TSHR: variants seen among roughly 807,000 people sequenced by gnomAD.
TSHR encodes the protein thyrotropin receptor.
Under a neutral mutation model 64.1 loss-of-function variants are expected in TSHR, and 51 were observed. The ratio of observed to expected loss-of-function variants is 0.80; its 90% CI spans 0.64 to 1.01. The LOEUF (loss-of-function observed/expected upper bound fraction) is 1.01, where lower values mean the gene tolerates loss of function less well. Among genes scored for constraint, TSHR ranks in the 50% least tolerant of loss-of-function variants. The pLI, the probability that TSHR is intolerant of heterozygous loss-of-function variation, is 0.00. For missense variants in TSHR, 877 were observed against 942.8 expected (o/e 0.93, Z 0.91); for synonymous variants, 361 against 361.9 (o/e 1.00, Z 0.03).
intron 8 of TSHR, among the ~76,000 whole-genome samples, chr14:81,123,983 C>T (rs6574628): frequency 0.069 from 10,428 of 152,092 alleles, 923 homozygotes; most frequent in East Asian, 0.23. Context: ...AAATGCAATG[C>T]CTTTCATAAT....
intron 1 of TSHR, among the ~76,000 whole-genome samples, chr14:81,009,784 A>T (rs2139774649): frequency 6.6e-6 from 1 of 152,122 alleles, no homozygotes; most frequent in South Asian, 2.1e-4. Flanking sequence ...TTCCCCTATG[A>T]TGAGCTTTAA....
intron 8 of TSHR, among the ~76,000 whole-genome samples, chr14:81,125,116 T>C (rs557455719): frequency 2.8e-4 from 43 of 152,252 alleles, no homozygotes; most frequent in African/African-American, 1.0e-3. Flanking sequence ...GTAACATAAG[T>C]TTAATGTAAA....
intron 8 of TSHR, among the ~76,000 whole-genome samples, chr14:81,134,936 A>C (rs956062846): frequency 1.3e-5 from 2 of 152,206 alleles, no homozygotes; most frequent in African/African-American, 4.8e-5. Flanking sequence ...GATAAAGAGA[A>C]GGTCTGAGAA....
intron 1 of TSHR, among the ~76,000 whole-genome samples, chr14:81,036,491 C>T (rs1370208421): frequency 1.3e-5 from 2 of 152,124 alleles, no homozygotes; most frequent in Admixed American, 6.6e-5. Flanking sequence ...TAGAATACTA[C>T]ACCCAGAAAA....
intron 8 of TSHR, among the ~76,000 whole-genome samples, chr14:81,113,447 G>T (rs1380334868): frequency 3.9e-5 from 6 of 152,156 alleles, no homozygotes; most frequent in Admixed American, 1.3e-4. Flanking sequence ...TAGGGGTCAG[G>T]GCTAGAGATA....
chr14:80,956,271 C>T (rs1427383644), intron 1 of TSHR, among the ~76,000 whole-genome samples: 3 of 152,124 alleles, frequency 2.0e-5, no homozygotes, highest in Admixed American at 2.0e-4. Flanking sequence ...TTTTGTTTCT[C>T]TAGATGGGAG....
At chr14:81,088,851 A>C (rs1888492780) in intron 4 of TSHR, among the ~76,000 whole-genome samples, 1 of 152,190 alleles carries the variant, frequency 6.6e-6, no homozygotes, top group Non-Finnish European at 1.5e-5. Flanking sequence ...TTATGAGATA[A>C]GCCCTTAAGG....
At chr14:81,078,235 G>C (rs1172094723) in intron 3 of TSHR, among the ~76,000 whole-genome samples, 1 of 152,012 alleles carries the variant, frequency 6.6e-6, no homozygotes, top group Non-Finnish European at 1.5e-5. Flanking sequence ...ATTTTCTGAG[G>C]TTTTATTTAC....
At chr14:81,109,244 C>T (rs1486558926) in intron 8 of TSHR, among the ~76,000 whole-genome samples, 32 of 152,082 alleles carry the variant, frequency 2.1e-4, no homozygotes, top group Admixed American at 1.9e-3. Context: ...CCTGTCTCCA[C>T]TAAAAATACA....
intron 1 of TSHR, among the ~76,000 whole-genome samples, chr14:81,033,841 T>C (rs1226803508): frequency 6.6e-6 from 1 of 152,224 alleles, no homozygotes; most frequent in Non-Finnish European, 1.5e-5. Context: ...ATGCCTGCTG[T>C]GGGTAATCTG....
At chr14:81,014,092 A>G (rs1316013805) in intron 1 of TSHR, 1 of 152,198 alleles carries the variant, frequency 6.6e-6, no homozygotes, top group Non-Finnish European at 1.5e-5. Flanking sequence ...TGGTTCAGTT[A>G]TTTTAGTCCA....
intron 1 of TSHR, chr14:81,032,609 G>A: frequency 2.2e-6 from 1 of 449,638 alleles, no homozygotes; most frequent in Non-Finnish European, 4.4e-6. Flanking sequence ...ACCTCAGGTT[G>A]TTTGAACTAG....
At chr14:80,971,237 C>G (rs967521953) in intron 1 of TSHR, among the ~76,000 whole-genome samples, 3 of 152,164 alleles carry the variant, frequency 2.0e-5, no homozygotes, top group Non-Finnish European at 4.4e-5. Flanking sequence ...ACTAGACTAG[C>G]TAGGCTTCTT....
At chr14:81,026,173 T>C (rs1296417176) in intron 1 of TSHR, among the ~76,000 whole-genome samples, 4 of 152,210 alleles carry the variant, frequency 2.6e-5, no homozygotes, top group Admixed American at 2.6e-4. Flanking sequence ...TTATCCGCCA[T>C]TGAATGTAAA....
chr14:81,145,948 G>T lies in TSHR; in HGVS notation c.*1595G>T, dbSNP rs1352043399. ...TAAGATTGTGAAGTGTCGTTAATGG[G>T]TCCCCACAGATGGTCCCTGCTGGAC... On this transcript the variant is annotated 3_prime_UTR_variant, in exon 10 of 10. Coordinates refer to ENST00000298171, the MANE Select transcript of TSHR (RefSeq NM_000369.5). The T allele has an allele frequency of 4.3e-6, 1 of 232,168 alleles. No homozygotes were observed. The allele number at this position is 232,168 out of a possible 1,614,324, so 14.4% of individuals were successfully genotyped here. A position where few individuals can be genotyped will look rare whatever the true frequency, so the allele number is the denominator to read the frequency against.
At chr14:80,983,557 C>T in intron 1 of TSHR, 1 of 1,214,826 alleles carries the variant, frequency 8.2e-7, no homozygotes, top group Non-Finnish European at 1.2e-6. Flanking sequence ...AGAAAGGGCT[C>T]AATTGTAGTT....
At chr14:81,119,703 C>T (rs1890701109) in intron 8 of TSHR, among the ~76,000 whole-genome samples, 2 of 127,972 alleles carry the variant, frequency 1.6e-5, no homozygotes, top group Non-Finnish European at 3.2e-5. Flanking sequence ...GACTATAAAT[C>T]ATGCTGCTAT....
chr14:81,020,719 C>G (rs931873355), intron 1 of TSHR, among the ~76,000 whole-genome samples: 1 of 152,126 alleles, frequency 6.6e-6, no homozygotes, highest in African/African-American at 2.4e-5. Context: ...TGGTGGCAAG[C>G]TTTATAGTGG....
At chr14:81,042,485 G>A (rs1315043965) in intron 1 of TSHR, among the ~76,000 whole-genome samples, 1 of 152,124 alleles carries the variant, frequency 6.6e-6, no homozygotes, top group Non-Finnish European at 1.5e-5. Context: ...GTCATTTGGG[G>A]TAATATGGAT....
Sources: allele counts gnomAD v4.1 joint callset (sites outside exome capture counted in the v4.1 genomes callset), GRCh38; gene constraint gnomAD v4.1.1; transcripts MANE v1.5; gene names NCBI Gene and HGNC (gene_info 2026-07-23, HGNC 2026-07-21).